HCRTR1: variants seen among roughly 807,000 people sequenced by gnomAD.
HCRTR1 encodes hypocretin receptor 1.
HCRTR1 carries 28 observed loss-of-function variants against 40.6 expected under a neutral mutation model. That is an observed-to-expected ratio of 0.69 (90% CI 0.51 to 0.95). The LOEUF (loss-of-function observed/expected upper bound fraction) is 0.95. Ranked by LOEUF, HCRTR1 falls within the 40% of genes least tolerant of loss-of-function variation. HCRTR1 has a pLI of 0.00. For missense variants in HCRTR1, 482 were observed against 564.7 expected, an observed-to-expected ratio of 0.85 and a Z score of 1.48; for synonymous variants, 209 against 230.0, an observed-to-expected ratio of 0.91 and a Z score of 0.83.
downstream of HCRTR1, among the ~76,000 whole-genome samples, chr1:31,634,395 T>C (rs1640200962): frequency 6.6e-6 from 1 of 152,212 alleles, no homozygotes; most frequent in African/African-American, 2.4e-5. Flanking sequence ...TTCTGAGTAA[T>C]GATTTTCACA....
downstream of HCRTR1, among the ~76,000 whole-genome samples, chr1:31,631,092 T>C (rs1041490725): frequency 1.3e-5 from 2 of 152,232 alleles, no homozygotes; most frequent in Non-Finnish European, 2.9e-5. Flanking sequence ...TCTCTTCAAC[T>C]GAGGCTCAGG....
rs1447749622 is a variant in HCRTR1 at position 31,625,334 on chromosome 1, G to A, written c.1087+216G>A. 6.6e-6 allele frequency among the ~76,000 whole-genome samples: 1 copy of A among 152,226 alleles called. No homozygotes were observed. The highest frequency in any genetic ancestry group is 2.4e-5 in the African/African-American group (1 of 41,460). ...TACAGTGGCTGGCACCCAGGATCCA[G>A]TTTTGCAGATTCTGCAGACCAGTGA... On this transcript the variant is annotated intron_variant, in intron 8 of 8. Coordinates refer to ENST00000403528, the MANE Select transcript of HCRTR1 (RefSeq NM_001525.3). This position sits in a 1 kb window ranked among gnomAD's most constrained non-coding sequence, Gnocchi z 4.2.
chr1:31,624,545 G>A (rs1173941274), intron 7 of HCRTR1, among the ~76,000 whole-genome samples: 1 of 152,044 alleles, frequency 6.6e-6, no homozygotes, highest in Non-Finnish European at 1.5e-5. Flanking sequence ...GTGTCTGTAG[G>A]GACAGCCAAA....
At chr1:31,628,660 C>A (rs10914457), downstream of HCRTR1, among the ~76,000 whole-genome samples, 45,046 of 152,218 alleles carry the variant, frequency 0.3, 8,137 homozygotes, top group Non-Finnish European at 0.41. Context: ...AAAGAAACAA[C>A]AGGCGCTGCT....
At position 31,619,407 on chromosome 1, in the gene HCRTR1, G is replaced by T. The variant is rs761483710; in HGVS notation, c.199+16G>T. On this transcript the variant is annotated intron_variant, in intron 3 of 8. Transcript: ENST00000403528. ...AACACGCTGGGTAGGTCCAGGGCTT[G>T]CCCGGCAGTGCTGCCGGCTTTCCCT... 1 of 1,613,716 alleles carries T rather than the reference G, an allele frequency of 6.2e-7. No individual in the cohort carries two copies. The highest frequency in any genetic ancestry group is 1.3e-5 in the African/African-American group (1 of 74,934).
In HCRTR1 at chr1:31,623,633, C is replaced by G; in HGVS notation, c.849C>G (p.Phe283Leu). ...AGCCCCAGCCCCGGGCCCGCGCCTT[C>G]CTGGCTGAAGTGAAGCAGATGCGTG... is the stretch of plus-strand genomic sequence containing the variant. ...SGEPQPRARA[F>L]LAEVKQMRAR... is the part of the protein sequence containing the mutation. Residue 283 changes from phenylalanine to leucine, a missense_variant, in exon 7 of 9, where the codon TTC becomes TTG. Phe to Leu is a conservative substitution (Grantham distance 22). Transcript: ENST00000403528. 6.2e-7 allele frequency: 1 copy of G among 1,614,004 alleles called. No homozygotes were observed. Among genetic ancestry groups the G allele is most frequent in the Non-Finnish European group, 8.5e-7 (1 of 1,180,036 alleles).
downstream of HCRTR1, chr1:31,632,622 G>T: frequency 3.7e-6 from 6 of 1,614,010 alleles, no homozygotes; most frequent in Non-Finnish European, 5.1e-6. Flanking sequence ...GGCCTGACTT[G>T]GTCTTGTCAA....
At chr1:31,627,650 G>T, downstream of HCRTR1, 1 of 313,430 alleles carries the variant, frequency 3.2e-6, no homozygotes, top group South Asian at 2.6e-5. Context: ...AATCTGTGCT[G>T]CTTAGGTTAG....
intron 7 of HCRTR1, 41 bp from the exon 8 acceptor site, chr1:31,624,956 G>C (rs200969458): frequency 6.5e-6 from 10 of 1,547,150 alleles, no homozygotes; most frequent in Admixed American, 1.8e-5. Context: ...ACATGCATAC[G>C]CAGCTACCCC....
rs780508063 is a variant in HCRTR1, at chr1:31,623,482, G to T, written c.739-41G>T. 3 of 1,566,914 alleles carry T rather than the reference G, an allele frequency of 1.9e-6. No individual in the cohort carries two copies. The South Asian group carries it at 3.5e-5, about 18-fold the overall frequency. ...CACAAAAGGCAACCACCCTCCCAAG[G>T]TGCTGTACCCACCACTGCTGTCTCT... is the stretch of plus-strand genomic sequence containing the variant. On this transcript the variant is annotated intron_variant, in intron 6 of 8. Transcript: ENST00000403528.
At chr1:31,632,383 G>T, downstream of HCRTR1, 3 of 1,538,762 alleles carry the variant, frequency 1.9e-6, no homozygotes, top group Non-Finnish European at 2.7e-6. Context: ...ACAGCATTTT[G>T]TAGTGCAGGT....
chr1:31,632,594 A>C, downstream of HCRTR1: 13 of 1,614,220 alleles, frequency 8.1e-6, no homozygotes, highest in Non-Finnish European at 1.0e-5. Context: ...AGGGCTGAGA[A>C]GCCGTAGACA....
chr1:31,621,791 C>T (rs1484801307), intron 6 of HCRTR1, among the ~76,000 whole-genome samples, 199 bp downstream of exon 6: 3 of 152,234 alleles, frequency 2.0e-5, no homozygotes, highest in Admixed American at 1.3e-4. Flanking sequence ...AATAGTAACA[C>T]GTCCTTCTAT....
rs751234904 is a variant in HCRTR1, at chr1:31,621,062, T to C, written c.598T>C (p.Ser200Pro). The C allele has an allele frequency of 1.2e-6, 2 of 1,609,750 alleles. No homozygotes were observed. The highest frequency in any genetic ancestry group is 2.2e-5 in the South Asian group (2 of 91,066). The change falls in exon 5 of 9, where the codon TCA becomes CCA. Residue 200 changes from serine (S) to proline (P), a missense_variant. Physicochemically the swap from Ser to Pro is moderately conservative, Grantham distance 74. Coordinates refer to ENST00000403528, the MANE Select transcript of HCRTR1 (RefSeq NM_001525.3). ...PELANRTRLF[S>P]VCDERWADDL... The stretch of plus-strand genomic sequence containing the variant: ...GCTAGCCAACCGCACACGGCTCTTC[T>C]CAGTCTGTGATGAACGCTGGGCAGG...
intron 7 of HCRTR1, 54 bp from the exon 8 acceptor site, chr1:31,624,943 A>G (rs1639942889): frequency 6.6e-7 from 1 of 1,517,610 alleles, no homozygotes; most frequent in Non-Finnish European, 8.9e-7. Flanking sequence ...GCACTCCCCC[A>G]GTACATGCAT....
chr1:31,629,000 A>T (rs552889056), downstream of HCRTR1, among the ~76,000 whole-genome samples: 4 of 152,330 alleles, frequency 2.6e-5, no homozygotes, highest in Admixed American at 6.5e-5. Flanking sequence ...CACATAAGGA[A>T]GATGTTTCTG....
chr1:31,619,162 A>T lies in HCRTR1; in HGVS notation c.-31A>T. On this transcript the variant is annotated 5_prime_UTR_variant, in exon 3 of 9. An upstream start codon of the reference 5' UTR is lost. Coordinates refer to ENST00000403528, the MANE Select transcript of HCRTR1 (RefSeq NM_001525.3). ...CTCCTCTCCCTCTGTAGAGCCTAGG[A>T]TGCCCCTCTGCTGCAGCGGCTCCTG... 2 of 1,591,662 alleles carry T rather than the reference A, an allele frequency of 1.3e-6. No homozygotes were observed. Among genetic ancestry groups the T allele is most frequent in the Non-Finnish European group, 8.6e-7 (1 of 1,169,582 alleles).
chr1:31,620,283 A>C (rs768930918), intron 4 of HCRTR1, among the ~76,000 whole-genome samples: 4 of 152,230 alleles, frequency 2.6e-5, no homozygotes, highest in Non-Finnish European at 5.9e-5. Flanking sequence ...ACCCAGACTC[A>C]TCTCTGCCTC....
chr1:31,630,573 A>G (rs547649027), downstream of HCRTR1: 16 of 1,571,112 alleles, frequency 1.0e-5, no homozygotes, highest in Admixed American at 2.2e-4. Flanking sequence ...AGAAGCCAGG[A>G]AAGGTCCCTG....
Sources: allele counts gnomAD v4.1 joint callset (sites outside exome capture counted in the v4.1 genomes callset), GRCh38; gene constraint gnomAD v4.1.1; non-coding constraint Gnocchi (gnomAD v3.1); transcripts MANE v1.5; gene names NCBI Gene and HGNC (gene_info 2026-07-23, HGNC 2026-07-21).